CSF2RA: variants seen among roughly 807,000 people sequenced by gnomAD.
CSF2RA encodes the protein granulocyte-macrophage colony-stimulating factor receptor subunit alpha.
CSF2RA carries 42 observed loss-of-function variants against 51.6 expected under a neutral mutation model. The ratio of observed to expected loss-of-function variants is 0.81; its 90% confidence interval spans 0.64 to 1.05. CSF2RA has a LOEUF of 1.05. Among genes scored for constraint, CSF2RA ranks in the 50% least tolerant of loss-of-function variants. CSF2RA has a pLI of 0.00. For synonymous variants in CSF2RA, 222 were observed against 193.0 expected (o/e 1.15, Z -1.24); for missense variants, 530 against 501.1 (o/e 1.06, Z -0.55).
At chrX:1,271,958 T>C (rs757137289) in intron 1 of CSF2RA, among the ~76,000 whole-genome samples, 1 of 151,478 alleles carries the variant, frequency 6.6e-6, no homozygotes, top group East Asian at 1.9e-4. Context: ...ACTTTTTTTT[T>C]CTTTTTTTTT....
At position 1,295,842 on chromosome X, in the gene CSF2RA, C is replaced by A. The variant is rs769942236; in HGVS notation, c.810+386C>A. ...CCCACGTCCACCTAGCTTAATCCTA[C>A]AGTCCCCTACTCACCACACCTAATG... is the stretch of plus-strand genomic sequence containing the variant. On this transcript the variant is annotated intron_variant, in intron 9 of 12. Coordinates refer to ENST00000381529, the MANE Select transcript of CSF2RA (RefSeq NM_172245.4). Among the ~76,000 whole-genome samples, 86 of 126,648 alleles carry A rather than the reference C, an allele frequency of 6.8e-4. 1 individual carries two copies. The highest frequency in any genetic ancestry group is 4.1e-3 in the Middle Eastern group (1 of 242). 83.1% of individuals were successfully genotyped at this position (126,648 alleles called of 152,430 possible).
At chrX:1,314,205 G>GCACTGCACCTGCCCAACCC (rs1362013578), downstream of CSF2RA, among the ~76,000 whole-genome samples, 30 of 48,630 alleles carry the variant, frequency 6.2e-4, 1 homozygote, top group South Asian at 2.2e-3. Context: ...TTGCAGAACC[G>GCACTGCACCTGCCCAACCC]CACTGCACCT....
At chrX:1,271,505 A>T (rs1261832352) in intron 1 of CSF2RA, among the ~76,000 whole-genome samples, 2 of 140,460 alleles carry the variant, frequency 1.4e-5, no homozygotes, top group East Asian at 4.1e-4. Flanking sequence ...ATGCCCAGCT[A>T]ATTTTTGAAT....
rs758307350 is a variant in CSF2RA at position 1,296,600 on chromosome X, G to A, written c.810+1144G>A. 3.4e-3 allele frequency among the ~76,000 whole-genome samples: 105 copies of A among 31,052 alleles called. 3 individuals are homozygous for A. Among genetic ancestry groups the A allele is most frequent in the Admixed American group, 0.03 (86 of 2,912 alleles). 20.4% of individuals were successfully genotyped at this position (31,052 alleles called of 152,430 possible). ...CGGAACTGTACAGTCCCCTACTCAC[G>A]ACCCCTACACTCTCCTACCCATGAC... On this transcript the variant is annotated intron_variant, in intron 9 of 12. Coordinates refer to ENST00000381529, the MANE Select transcript of CSF2RA (RefSeq NM_172245.4).
At chrX:1,290,970 G>A (rs1206597680) in intron 7 of CSF2RA, among the ~76,000 whole-genome samples, 1 of 152,070 alleles carries the variant, frequency 6.6e-6, no homozygotes, top group East Asian at 1.9e-4. Flanking sequence ...CACCCAGGCT[G>A]GAGTGCAGTG....
intron 10 of CSF2RA, chrX:1,303,491 C>T (rs1202361360): frequency 1.3e-5 from 6 of 456,096 alleles, no homozygotes; most frequent in East Asian, 3.5e-5. Flanking sequence ...GCGCCCGCCT[C>T]GGCCTCCCAA....
intron 2 of CSF2RA, among the ~76,000 whole-genome samples, chrX:1,280,530 G>A (rs2089775688): frequency 6.6e-6 from 1 of 151,210 alleles, no homozygotes; most frequent in South Asian, 2.1e-4. Context: ...GGTCCATAAA[G>A]GCGGGACAAC....
chrX:1,319,454 A>C, the CSF2RA span, among the ~76,000 whole-genome samples: 43 of 148,730 alleles, frequency 2.9e-4, no homozygotes, highest in African/African-American at 1.1e-3. Context: ...CACCCGGCTA[A>C]TTTTTGTATT....
intron 4 of CSF2RA, among the ~76,000 whole-genome samples, chrX:1,286,849 A>C (rs2090734606): frequency 1.3e-5 from 2 of 152,128 alleles, no homozygotes; most frequent in Non-Finnish European, 2.9e-5. Flanking sequence ...GTAAAGTGTC[A>C]GTCACGTTGT....
chrX:1,271,044 A>G (rs1189632460), intron 1 of CSF2RA, among the ~76,000 whole-genome samples: 1 of 151,738 alleles, frequency 6.6e-6, no homozygotes, highest in African/African-American at 2.4e-5. Flanking sequence ...AGATTAAATT[A>G]TTACAAATTT....
At chrX:1,283,391 CTCTT>C (rs374192397) in intron 3 of CSF2RA, among the ~76,000 whole-genome samples, 21 of 145,716 alleles carry the variant, frequency 1.4e-4, no homozygotes, top group African/African-American at 5.1e-4. Flanking sequence ...TTCTTTCTTT[CTCTT>C]TCTTCCTTCC....
At chrX:1,325,168 G>C in the CSF2RA span, among the ~76,000 whole-genome samples, 1 of 150,228 alleles carries the variant, frequency 6.7e-6, no homozygotes, top group Non-Finnish European at 1.5e-5. Context: ...AGACCAGCCT[G>C]GCCAACGTGT....
chrX:1,323,164 A>G, the CSF2RA span, among the ~76,000 whole-genome samples: 1 of 150,850 alleles, frequency 6.6e-6, no homozygotes, highest in African/African-American at 2.4e-5. Flanking sequence ...CAATTATAAA[A>G]TAAAATAAAA....
At position 1,293,421 on chromosome X, in the gene CSF2RA, G is replaced by T. The variant is rs1391109128; in HGVS notation, c.647-907G>T. Among the ~76,000 whole-genome samples the T allele has an allele frequency of 2.6e-5, 4 of 152,164 alleles. No individual in the cohort carries two copies. In the East Asian group the frequency reaches 7.7e-4, roughly 29 times the overall value. ...TTTTTAGTAGAGACGGGGTTTCACCGTGTTAGCCAGGATGGTCTCGACCTC... is the reference window on the plus strand; with the variant it reads ...TTTTTAGTAGAGACGGGGTTTCACCTTGTTAGCCAGGATGGTCTCGACCTC... On this transcript the variant is annotated intron_variant, in intron 7 of 12. Coordinates refer to ENST00000381529, the MANE Select transcript of CSF2RA (RefSeq NM_172245.4).
chrX:1,275,972 C>T (rs1307062734), intron 2 of CSF2RA, among the ~76,000 whole-genome samples: 1 of 151,730 alleles, frequency 6.6e-6, no homozygotes, highest in South Asian at 2.1e-4. Flanking sequence ...GGATTACAGG[C>T]GTAAGCCACA....
chrX:1,287,622 T>C (rs2090894242), intron 4 of CSF2RA, among the ~76,000 whole-genome samples: 1 of 144,652 alleles, frequency 6.9e-6, no homozygotes, highest in Admixed American at 7.0e-5. Flanking sequence ...TTTTGTATTT[T>C]TAGTAGAGAC....
chrX:1,317,215 T>C, the CSF2RA span, among the ~76,000 whole-genome samples: 1 of 141,810 alleles, frequency 7.1e-6, no homozygotes, highest in South Asian at 2.3e-4. Flanking sequence ...CCCAAAGTGC[T>C]GGGATGACAG....
At chrX:1,324,844 C>T in the CSF2RA span, among the ~76,000 whole-genome samples, 1 of 152,044 alleles carries the variant, frequency 6.6e-6, no homozygotes, top group African/African-American at 2.4e-5. Flanking sequence ...GGTGCAGACT[C>T]TGAGGACCCC....
chrX:1,298,836 C>A (rs1363602296), intron 9 of CSF2RA, among the ~76,000 whole-genome samples: 1 of 152,058 alleles, frequency 6.6e-6, no homozygotes, highest in Admixed American at 6.6e-5. Flanking sequence ...CCCACCTCAC[C>A]TCCCCCTAGA....
Sources: gnomAD v4.1 joint callset for allele counts (sites outside exome capture counted in the v4.1 genomes callset) on GRCh38, gnomAD v4.1.1 for gene constraint, MANE v1.5 for transcripts, NCBI Gene and HGNC (gene_info 2026-07-23, HGNC 2026-07-21) for gene names.